Variants in MCMDC2 observed in about 807,000 individuals in gnomAD.
MCMDC2 encodes minichromosome maintenance domain containing 2, also known as minichromosome maintenance domain-containing protein 2.
A neutral mutation model predicts 75.8 loss-of-function variants in MCMDC2; 54 were observed. That is an observed-to-expected ratio of 0.71 (90% confidence interval 0.57 to 0.89). The LOEUF (loss-of-function observed/expected upper bound fraction) is 0.89. MCMDC2 is among the 40% of genes least tolerant of loss of function. The pLI is 0.00. For missense variants in MCMDC2, 656 were observed against 780.4 expected (o/e 0.84, Z 1.90); for synonymous variants, 249 against 274.6 (o/e 0.91, Z 0.92).
chr8:66,871,007 G>A (rs1810988796), intron 1 of MCMDC2, among the ~76,000 whole-genome samples, 176 bp downstream of exon 1: 1 of 152,254 alleles, frequency 6.6e-6, no homozygotes, highest in Admixed American at 6.5e-5. Flanking sequence ...AGAGAAGACA[G>A]AATCCGCGCC....
chr8:66,877,311 T>A, intron 4 of MCMDC2, 38 bp from the exon 5 acceptor site: 1 of 1,335,402 alleles, frequency 7.5e-7, no homozygotes, highest in South Asian at 1.3e-5. Context: ...AAATTGGATT[T>A]GCAATTTTCA....
intron 14 of MCMDC2, among the ~76,000 whole-genome samples, chr8:66,910,042 C>G (rs2130862384): frequency 6.6e-6 from 1 of 152,350 alleles, no homozygotes; most frequent in South Asian, 2.1e-4. Flanking sequence ...GGTACAAGCC[C>G]CAAACCTTGG....
chr8:66,895,640 C>G (rs1812318127), intron 10 of MCMDC2, among the ~76,000 whole-genome samples: 1 of 151,990 alleles, frequency 6.6e-6, no homozygotes, highest in South Asian at 2.1e-4. Flanking sequence ...CTCAAGCAAT[C>G]CCCCCGTGTC....
At chr8:66,903,061 G>A (rs1253358719) in intron 13 of MCMDC2, among the ~76,000 whole-genome samples, 1 of 151,384 alleles carries the variant, frequency 6.6e-6, no homozygotes, top group Non-Finnish European at 1.5e-5. Flanking sequence ...GGCGGAGGTT[G>A]CAGTGAGCTG....
At chr8:66,909,114 G>A (rs900717875) in intron 14 of MCMDC2, among the ~76,000 whole-genome samples, 1 of 152,034 alleles carries the variant, frequency 6.6e-6, no homozygotes, top group African/African-American at 2.4e-5. Context: ...GTTTTATAAG[G>A]GCTCTTCCCC....
At chr8:66,923,751 G>C (rs1327835935), downstream of MCMDC2, among the ~76,000 whole-genome samples, 2 of 152,086 alleles carry the variant, frequency 1.3e-5, no homozygotes, top group African/African-American at 4.8e-5. Context: ...AACTGGGCAT[G>C]ATGGTGGGTG....
intron 8 of MCMDC2, among the ~76,000 whole-genome samples, chr8:66,883,522 G>A (rs566471892): frequency 9.8e-4 from 149 of 152,098 alleles, no homozygotes; most frequent in African/African-American, 3.4e-3. Context: ...GGCCAAGCAC[G>A]GTGGCTCAGG....
At chr8:66,874,662 A>C (rs77569237) in intron 4 of MCMDC2, 76 bp downstream of exon 4, 38,706 of 1,269,744 alleles carry the variant, frequency 0.03, 699 homozygotes, top group Admixed American at 0.051. Flanking sequence ...TTTTATATTC[A>C]TAGACTTTTT....
intron 14 of MCMDC2, among the ~76,000 whole-genome samples, chr8:66,911,627 C>T (rs149039911): frequency 2.0e-5 from 3 of 151,330 alleles, no homozygotes; most frequent in Non-Finnish European, 2.9e-5. Context: ...AGTTCAAGAC[C>T]AGCCTGGCCA....
chr8:66,926,324 T>A (rs1043773647), downstream of MCMDC2: 1 of 152,232 alleles, frequency 6.6e-6, no homozygotes, highest in Admixed American at 6.5e-5. Flanking sequence ...AGGCTTATGA[T>A]CTTGTTGCCA....
At chr8:66,900,843 A>G (rs1301316842) in intron 12 of MCMDC2, among the ~76,000 whole-genome samples, 1 of 152,238 alleles carries the variant, frequency 6.6e-6, no homozygotes, top group Non-Finnish European at 1.5e-5. Context: ...CTCTAGGCCA[A>G]TGAGAGAAAC....
At chr8:66,900,079 G>A (rs1246917990) in intron 12 of MCMDC2, among the ~76,000 whole-genome samples, 2 of 151,830 alleles carry the variant, frequency 1.3e-5, no homozygotes, top group Non-Finnish European at 2.9e-5. Flanking sequence ...AGTTTGCAGT[G>A]AGCTGAGATC....
intron 14 of MCMDC2, among the ~76,000 whole-genome samples, chr8:66,918,536 G>A (rs901717419): frequency 6.6e-6 from 1 of 152,136 alleles, no homozygotes; most frequent in East Asian, 1.9e-4. Context: ...ACTGAGAAAT[G>A]TACTACAATG....
chr8:66,915,316 G>C (rs1272418492), intron 14 of MCMDC2, among the ~76,000 whole-genome samples: 4 of 151,942 alleles, frequency 2.6e-5, no homozygotes, highest in Non-Finnish European at 5.9e-5. Flanking sequence ...GTTGGGCGTA[G>C]TGGCGCGCGT....
intron 4 of MCMDC2, among the ~76,000 whole-genome samples, chr8:66,876,034 A>G (rs2130791502): frequency 6.6e-6 from 1 of 152,296 alleles, no homozygotes; most frequent in East Asian, 1.9e-4. Flanking sequence ...TATAGTATCT[A>G]TTGTTGCACT....
At chr8:66,909,550 G>C (rs1403305717) in intron 14 of MCMDC2, among the ~76,000 whole-genome samples, 2 of 152,184 alleles carry the variant, frequency 1.3e-5, no homozygotes, top group Non-Finnish European at 2.9e-5. Flanking sequence ...GTGGAGATGA[G>C]GAAGTTGTTT....
intron 10 of MCMDC2, among the ~76,000 whole-genome samples, chr8:66,892,983 A>G (rs766457118): frequency 6.6e-6 from 1 of 152,104 alleles, no homozygotes; most frequent in Non-Finnish European, 1.5e-5. Context: ...TTTGTTGAGG[A>G]TTTTTTAAAT....
intron 8 of MCMDC2, among the ~76,000 whole-genome samples, chr8:66,881,644 C>T (rs1347053392): frequency 6.6e-6 from 1 of 152,056 alleles, no homozygotes; most frequent in Admixed American, 6.6e-5. Flanking sequence ...CAATATTGTA[C>T]CACTGTATTC....
intron 9 of MCMDC2, among the ~76,000 whole-genome samples, chr8:66,888,244 T>C (rs1412606104): frequency 6.6e-6 from 1 of 151,320 alleles, no homozygotes; most frequent in Non-Finnish European, 1.5e-5. Context: ...CCACATCTGG[T>C]TAATTTTTTT....
Sources: gnomAD v4.1 joint callset for allele counts (sites outside exome capture counted in the v4.1 genomes callset) on GRCh38, gnomAD v4.1.1 for gene constraint, MANE v1.5 for transcripts, NCBI Gene and HGNC (gene_info 2026-07-23, HGNC 2026-07-21) for gene names.